The following PABPC4L variants were observed in gnomAD, a reference collection of about 807,000 sequenced individuals.
The protein encoded by PABPC4L is poly(A) binding protein cytoplasmic 4 like.
For missense variants in PABPC4L, 452 were observed against 451.4 expected (o/e 1.00, Z -0.01); for synonymous variants, 169 against 164.1 (o/e 1.03, Z -0.23).
At chr4:134,025,842 T>C in the PABPC4L span, among the ~76,000 whole-genome samples, 1 of 152,110 alleles carries the variant, frequency 6.6e-6, no homozygotes, top group Non-Finnish European at 1.5e-5. Flanking sequence ...GAAAATATTT[T>C]TAGTAATTTA....
chr4:133,961,898 A>T, the PABPC4L span, among the ~76,000 whole-genome samples: 2 of 152,162 alleles, frequency 1.3e-5, no homozygotes, highest in Non-Finnish European at 2.9e-5. Flanking sequence ...ATTGTGCTGA[A>T]TAGAGCTATA....
At chr4:133,993,233 C>CT in the PABPC4L span, among the ~76,000 whole-genome samples, 3 of 152,176 alleles carry the variant, frequency 2.0e-5, no homozygotes, top group East Asian at 5.8e-4. Context: ...CATATTCCCC[C>CT]TTTTTTGTTT....
At chr4:134,037,944 A>C in the PABPC4L span, among the ~76,000 whole-genome samples, 1 of 152,120 alleles carries the variant, frequency 6.6e-6, no homozygotes, top group South Asian at 2.1e-4. Flanking sequence ...ATTCAGTATG[A>C]TATTGGCTGT....
chr4:133,996,840 A>C, the PABPC4L span, among the ~76,000 whole-genome samples: 1 of 152,162 alleles, frequency 6.6e-6, no homozygotes, highest in African/African-American at 2.4e-5. Flanking sequence ...GCTTGGAGCA[A>C]ACACAATTTG....
chr4:133,973,592 T>G, the PABPC4L span, among the ~76,000 whole-genome samples: 4 of 152,134 alleles, frequency 2.6e-5, no homozygotes, highest in Non-Finnish European at 5.9e-5. Flanking sequence ...TGAAAACCAG[T>G]ACCTTATCAG....
chr4:134,029,464 T>C, the PABPC4L span, among the ~76,000 whole-genome samples: 2 of 152,046 alleles, frequency 1.3e-5, no homozygotes, highest in African/African-American at 4.8e-5. Context: ...TGTTATATTC[T>C]AGCAGGATAT....
At chr4:133,974,025 A>G in the PABPC4L span, among the ~76,000 whole-genome samples, 3 of 152,178 alleles carry the variant, frequency 2.0e-5, no homozygotes, top group African/African-American at 7.2e-5. Flanking sequence ...TCTAAATCTA[A>G]TAATGTAAGG....
At chr4:134,119,351 G>A in the PABPC4L span, among the ~76,000 whole-genome samples, 1 of 151,704 alleles carries the variant, frequency 6.6e-6, no homozygotes, top group Non-Finnish European at 1.5e-5. Flanking sequence ...TTAAAGAGAA[G>A]TAGATATGAT....
chr4:134,122,566 C>T, the PABPC4L span, among the ~76,000 whole-genome samples: 3 of 151,778 alleles, frequency 2.0e-5, no homozygotes, highest in South Asian at 2.1e-4. Context: ...ACATTTTCTA[C>T]ATAATACCAA....
the PABPC4L span, among the ~76,000 whole-genome samples, chr4:133,955,280 A>C: frequency 6.6e-6 from 1 of 151,544 alleles, no homozygotes; most frequent in Non-Finnish European, 1.5e-5. Flanking sequence ...AAAAAAAAAG[A>C]TTTTTTTTTA....
the PABPC4L span, among the ~76,000 whole-genome samples, chr4:134,160,801 C>T: frequency 2.0e-5 from 3 of 151,722 alleles, no homozygotes; most frequent in East Asian, 1.9e-4. Flanking sequence ...GAGTTTGAGG[C>T]TGGACAGAGT....
the PABPC4L span, among the ~76,000 whole-genome samples, chr4:133,951,268 T>C: frequency 2.6e-5 from 4 of 152,202 alleles, no homozygotes; most frequent in African/African-American, 7.2e-5. Flanking sequence ...TAAACAGTTA[T>C]GGTTTGATGC....
Position 134,200,743 on chromosome 4 carries a change from T to G in PABPC4L, c.277A>C (p.Arg93=). The part of the protein sequence containing the change: ...LMWSQRDAYL[R]RSGIGNVFIK... ...AATACGTTCCCAATTCCAGATCTCCTCAAGTAGGCATCGCGCTGAGACCAC... is the reference window on the plus strand; with the variant it reads ...AATACGTTCCCAATTCCAGATCTCCGCAAGTAGGCATCGCGCTGAGACCAC... Residue 93 remains arginine, a synonymous_variant, in exon 2 of 2, where the codon AGG becomes CGG. Coordinates refer to ENST00000421491, the MANE Select transcript of PABPC4L (RefSeq NM_001114734.2). 1 of 1,551,724 alleles carries G rather than the reference T, an allele frequency of 6.4e-7. No individual in the cohort carries two copies. Among genetic ancestry groups the G allele is most frequent in the East Asian group, 2.4e-5 (1 of 40,916 alleles).
the PABPC4L span, among the ~76,000 whole-genome samples, chr4:134,166,492 C>G: frequency 6.6e-6 from 1 of 152,144 alleles, no homozygotes; most frequent in African/African-American, 2.4e-5. Flanking sequence ...TGACCTGGCT[C>G]TGTTGCCTAT....
the PABPC4L span, among the ~76,000 whole-genome samples, chr4:133,995,974 G>C: frequency 6.6e-6 from 1 of 152,114 alleles, no homozygotes; most frequent in South Asian, 2.1e-4. Flanking sequence ...AGCATCAAAA[G>C]AAATAGGTTC....
the PABPC4L span, among the ~76,000 whole-genome samples, chr4:134,024,740 A>G: frequency 4.0e-5 from 2 of 50,046 alleles, no homozygotes; most frequent in African/African-American, 2.4e-4. Context: ...ATATTTTTTA[A>G]AAGATTTTTT....
At chr4:133,965,876 A>G in the PABPC4L span, among the ~76,000 whole-genome samples, 3 of 152,190 alleles carry the variant, frequency 2.0e-5, no homozygotes. Context: ...CTACAAGATA[A>G]CATCAGAAAA....
At chr4:133,954,248 G>A in the PABPC4L span, among the ~76,000 whole-genome samples, 1 of 152,168 alleles carries the variant, frequency 6.6e-6, no homozygotes, top group African/African-American at 2.4e-5. Flanking sequence ...AGCATGTTAG[G>A]GTATCCCAGG....
At chr4:134,020,976 A>T in the PABPC4L span, among the ~76,000 whole-genome samples, 1 of 152,112 alleles carries the variant, frequency 6.6e-6, no homozygotes, top group African/African-American at 2.4e-5. Context: ...ATTTGGGCAC[A>T]CAAGAATTTA....
Sources: allele counts gnomAD v4.1 joint callset (sites outside exome capture counted in the v4.1 genomes callset), GRCh38; gene constraint gnomAD v4.1.1; transcripts MANE v1.5; gene names NCBI Gene and HGNC (gene_info 2026-07-23, HGNC 2026-07-21).